UBL3: variants seen among roughly 807,000 people sequenced by gnomAD.
The protein encoded by UBL3 is ubiquitin like 3.
A neutral mutation model predicts 18.4 loss-of-function variants in UBL3; 6 were observed. The observed-to-expected ratio is 0.33, with a 90% CI of 0.18 to 0.64. The LOEUF is 0.64. UBL3 is among the 30% of genes least tolerant of loss of function. The pLI is 0.76. For missense variants in UBL3, 109 were observed against 142.9 expected, an observed-to-expected ratio of 0.76 and a Z score of 1.21; for synonymous variants, 49 against 46.6, an observed-to-expected ratio of 1.05 and a Z score of -0.21.
intron 1 of UBL3, among the ~76,000 whole-genome samples, chr13:29,846,349 C>G (rs946498341): frequency 2.0e-5 from 3 of 151,974 alleles, no homozygotes; most frequent in Non-Finnish European, 4.4e-5. Flanking sequence ...ATTTATAGGA[C>G]ATATATATTG....
At chr13:29,837,328 CA>C (rs1438155091) in intron 1 of UBL3, among the ~76,000 whole-genome samples, 5 of 152,000 alleles carry the variant, frequency 3.3e-5, no homozygotes, top group Middle Eastern at 6.8e-3. Flanking sequence ...CAGATGAAAA[CA>C]TAAGAATTTG....
chr13:29,802,398 A>T (rs1877795299), intron 1 of UBL3, among the ~76,000 whole-genome samples: 1 of 152,212 alleles, frequency 6.6e-6, no homozygotes, highest in Admixed American at 6.5e-5. Context: ...AACTTTGGCA[A>T]CCCAAAATGC....
At chr13:29,828,723 C>T (rs1878689769) in intron 1 of UBL3, among the ~76,000 whole-genome samples, 2 of 152,234 alleles carry the variant, frequency 1.3e-5, no homozygotes, top group South Asian at 4.1e-4. Flanking sequence ...TGGCGAGGAG[C>T]TGCATTGTTT....
At chr13:29,773,110 G>A (rs978436590) in intron 2 of UBL3, among the ~76,000 whole-genome samples, 2 of 152,164 alleles carry the variant, frequency 1.3e-5, no homozygotes, top group Non-Finnish European at 2.9e-5. Context: ...TATAGAAAGA[G>A]ATAATGGTTA....
intron 1 of UBL3, among the ~76,000 whole-genome samples, chr13:29,832,953 C>G (rs1313129062): frequency 6.6e-6 from 1 of 152,150 alleles, no homozygotes; most frequent in Admixed American, 6.5e-5. Flanking sequence ...CCACTTTAAG[C>G]AGAAAGTGAA....
In UBL3 at chr13:29,765,307, A is replaced by G. The variant is rs1448657518; in HGVS notation, c.*1948T>C. 6.6e-6 allele frequency: 1 copy of G among 152,174 alleles called. No homozygotes were observed. The highest frequency in any genetic ancestry group is 2.4e-5 in the African/African-American group (1 of 41,460). 9.4% of individuals were successfully genotyped at this position (152,174 alleles called of 1,614,324 possible). ...AATTGCCCAATTAAGCAACTACCAG[A>G]TTCTTTAGTCAACACTAACAGAATT... On this transcript the variant is annotated 3_prime_UTR_variant, in exon 5 of 5. Transcript: ENST00000380680.
intron 1 of UBL3, among the ~76,000 whole-genome samples, chr13:29,792,306 G>T (rs372218448): frequency 2.7e-3 from 411 of 152,248 alleles, no homozygotes; most frequent in Middle Eastern, 0.01. Flanking sequence ...GTTATACACA[G>T]TTGAGTGATA....
chr13:29,807,522 C>A (rs566915586), intron 1 of UBL3, among the ~76,000 whole-genome samples: 3 of 152,302 alleles, frequency 2.0e-5, no homozygotes, highest in Non-Finnish European at 4.4e-5. Context: ...AATTCTACAA[C>A]CAGTTTTTCC....
chr13:29,847,364 A>AT (rs1274863604), intron 1 of UBL3, among the ~76,000 whole-genome samples: 3 of 152,248 alleles, frequency 2.0e-5, no homozygotes, highest in African/African-American at 7.2e-5. Context: ...TTGCCCTTGC[A>AT]TATCACCTTT....
intron 1 of UBL3, among the ~76,000 whole-genome samples, chr13:29,807,602 T>C (rs1669054647): frequency 6.6e-6 from 1 of 152,238 alleles, no homozygotes; most frequent in African/African-American, 2.4e-5. Flanking sequence ...ACTGTTTACA[T>C]TGCTGTTCAA....
At chr13:29,789,063 C>A (rs749834236) in intron 1 of UBL3, among the ~76,000 whole-genome samples, 43 of 152,208 alleles carry the variant, frequency 2.8e-4, no homozygotes, top group Middle Eastern at 6.8e-3. Context: ...CCACACCCAG[C>A]TAATTTTGCA....
intron 1 of UBL3, among the ~76,000 whole-genome samples, chr13:29,806,148 G>A (rs1390106411): frequency 1.3e-5 from 2 of 152,186 alleles, no homozygotes. Flanking sequence ...CTGCACTCCA[G>A]CCTGGGTGAC....
chr13:29,821,404 C>T lies in UBL3; in HGVS notation c.27+28108G>A, dbSNP rs17073939. Among the ~76,000 whole-genome samples, 494 of 152,236 alleles carry T rather than the reference C, an allele frequency of 3.2e-3. 1 individual carries two copies. Among genetic ancestry groups the T allele is most frequent in the African/African-American group, 0.011 (466 of 41,540 alleles). On this transcript the variant is annotated intron_variant, in intron 1 of 4. Transcript: ENST00000380680. ...GTCTTTATTTTTTACAGCTGTACTG[C>T]GTCATGTCATAGTAATCACAACTCT...
At chr13:29,824,299 G>A (rs991518126) in intron 1 of UBL3, among the ~76,000 whole-genome samples, 4 of 152,108 alleles carry the variant, frequency 2.6e-5, no homozygotes, top group Non-Finnish European at 5.9e-5. Flanking sequence ...TTCCACAATG[G>A]TTCAACTAGT....
At chr13:29,838,203 T>A (rs909580012) in intron 1 of UBL3, among the ~76,000 whole-genome samples, 4 of 152,084 alleles carry the variant, frequency 2.6e-5, no homozygotes, top group Non-Finnish European at 5.9e-5. Context: ...TAAAATAACA[T>A]CTTGAAGGTG....
At chr13:29,776,205 G>T (rs1876983855) in intron 2 of UBL3, among the ~76,000 whole-genome samples, 2 of 149,796 alleles carry the variant, frequency 1.3e-5, no homozygotes, top group Admixed American at 1.3e-4. Flanking sequence ...TTACTGATAT[G>T]AAGGTGTGTG....
intron 1 of UBL3, among the ~76,000 whole-genome samples, chr13:29,839,091 C>G (rs1247295907): frequency 2.0e-5 from 3 of 152,112 alleles, no homozygotes; most frequent in Admixed American, 2.0e-4. Flanking sequence ...CAGACAAATC[C>G]TCACATATTT....
intron 1 of UBL3, among the ~76,000 whole-genome samples, chr13:29,841,358 C>A (rs1490856993): frequency 3.3e-5 from 5 of 151,986 alleles, no homozygotes; most frequent in Admixed American, 6.6e-5. Flanking sequence ...CTTTACAAGT[C>A]AATCTATTTG....
At chr13:29,775,953 T>C (rs1269754997) in intron 2 of UBL3, among the ~76,000 whole-genome samples, 1 of 151,582 alleles carries the variant, frequency 6.6e-6, no homozygotes, top group Non-Finnish European at 1.5e-5. Flanking sequence ...TCAAAGAAAA[T>C]AAGAAATACC....
Sources: allele counts gnomAD v4.1 joint callset (sites outside exome capture counted in the v4.1 genomes callset), GRCh38; gene constraint gnomAD v4.1.1; transcripts MANE v1.5; gene names NCBI Gene and HGNC (gene_info 2026-07-23, HGNC 2026-07-21).